Variants in ROBO1 observed in about 807,000 individuals in gnomAD.
The protein encoded by ROBO1 is roundabout homolog 1.
ROBO1 carries 149 observed loss-of-function variants against 195.9 expected under a neutral mutation model. The ratio of observed to expected loss-of-function variants is 0.76; its 90% confidence interval spans 0.67 to 0.87. ROBO1 has a LOEUF of 0.87. Ranked by LOEUF, ROBO1 falls within the 40% of genes least tolerant of loss-of-function variation. The pLI is 0.00. For synonymous variants in ROBO1, 816 were observed against 733.2 expected, an observed-to-expected ratio of 1.11 and a Z score of -1.82; for missense variants, 1,933 against 2,068.3, an observed-to-expected ratio of 0.93 and a Z score of 1.27.
At chr3:78,699,395 CAAAAAAA>C (rs60574193) in intron 8 of ROBO1, among the ~76,000 whole-genome samples, 16 of 83,048 alleles carry the variant, frequency 1.9e-4, no homozygotes, top group South Asian at 5.4e-4. Flanking sequence ...ACTAAAAATA[CAAAAAAA>C]AAAAAAAAAA....
At chr3:78,704,024 G>C (rs551893307) in intron 8 of ROBO1, among the ~76,000 whole-genome samples, 1 of 152,074 alleles carries the variant, frequency 6.6e-6, no homozygotes, top group African/African-American at 2.4e-5. Context: ...AGCCTTGGGG[G>C]GGTCTCATAA....
chr3:79,322,971 G>A (rs1374047010), intron 2 of ROBO1, among the ~76,000 whole-genome samples: 1 of 151,864 alleles, frequency 6.6e-6, no homozygotes, highest in Non-Finnish European at 1.5e-5. Flanking sequence ...AATTTTGATT[G>A]CTTTGCTTTA....
intron 2 of ROBO1, among the ~76,000 whole-genome samples, chr3:79,194,796 A>G (rs184704070): frequency 6.6e-6 from 1 of 151,764 alleles, no homozygotes; most frequent in Admixed American, 6.6e-5. Context: ...CAAGTAAATG[A>G]GAAAAAATAC....
chr3:79,246,439 T>G (rs2082625589), intron 2 of ROBO1, among the ~76,000 whole-genome samples: 1 of 152,096 alleles, frequency 6.6e-6, no homozygotes, highest in African/African-American at 2.4e-5. Context: ...ATATTTGTTT[T>G]TATGCTGATG....
intron 2 of ROBO1, among the ~76,000 whole-genome samples, chr3:79,147,008 A>G (rs1267688432): frequency 6.6e-6 from 1 of 152,006 alleles, no homozygotes; most frequent in Non-Finnish European, 1.5e-5. Flanking sequence ...AGATATGCAA[A>G]TAAGTATTAA....
At chr3:79,525,449 TTA>T (rs1559964756) in intron 2 of ROBO1, among the ~76,000 whole-genome samples, 1 of 149,206 alleles carries the variant, frequency 6.7e-6, no homozygotes. Flanking sequence ...TATGTATGTT[TTA>T]TGACAATTTT....
In ROBO1 at chr3:78,901,131, G is replaced by A. The variant is rs184199675; in HGVS notation, c.499+37470C>T. Among the ~76,000 whole-genome samples, 4 of 152,290 alleles carry A rather than the reference G, an allele frequency of 2.6e-5. No individual in the cohort carries two copies. The East Asian group carries it at 5.8e-4, about 22-fold the overall frequency. ...TAATGCAGTATGCAATTTTGCACACGATGTCATGCTGACTTGAAGTAACTA... is the reference window on the plus strand; with the variant it reads ...TAATGCAGTATGCAATTTTGCACACAATGTCATGCTGACTTGAAGTAACTA... On this transcript the variant is annotated intron_variant, in intron 4 of 30. Transcript: ENST00000464233.
At chr3:79,462,269 G>C (rs951895877) in intron 2 of ROBO1, among the ~76,000 whole-genome samples, 1 of 152,106 alleles carries the variant, frequency 6.6e-6, no homozygotes, top group Non-Finnish European at 1.5e-5. Context: ...GATGCAACGG[G>C]GCAGAAAGTT....
In ROBO1 at chr3:79,481,090, A is replaced by G. The variant is rs146037957; in HGVS notation, c.88+108734T>C. On this transcript the variant is annotated intron_variant, in intron 2 of 30. Coordinates refer to ENST00000464233, the MANE Select transcript of ROBO1 (RefSeq NM_002941.4). ...CTTGCTACTAATTATCACATTCTGC[A>G]TAATTTATAATGTATTCTACTGATG... Among the ~76,000 whole-genome samples the G allele has an allele frequency of 3.0e-4, 46 of 152,262 alleles. No homozygotes were observed. In the East Asian group the frequency reaches 8.7e-3, roughly 29 times the overall value.
chr3:78,813,691 A>T (rs2084813307), intron 4 of ROBO1, among the ~76,000 whole-genome samples: 1 of 151,862 alleles, frequency 6.6e-6, no homozygotes, highest in Non-Finnish European at 1.5e-5. Flanking sequence ...AGGCATTCTG[A>T]CTCTAGAGTC....
intron 4 of ROBO1, among the ~76,000 whole-genome samples, chr3:78,865,740 A>C (rs1559940222): frequency 6.6e-6 from 1 of 151,986 alleles, no homozygotes; most frequent in Non-Finnish European, 1.5e-5. Flanking sequence ...CAAAGGGCTG[A>C]GATTACAGGC....
chr3:79,014,343 G>A (rs2077867085), intron 3 of ROBO1, among the ~76,000 whole-genome samples: 2 of 151,984 alleles, frequency 1.3e-5, no homozygotes, highest in South Asian at 4.1e-4. Flanking sequence ...CATGGTGGTG[G>A]GCATCTGCAA....
chr3:78,719,092 T>G (rs140372458), intron 5 of ROBO1, among the ~76,000 whole-genome samples: 8 of 152,294 alleles, frequency 5.3e-5, no homozygotes, highest in African/African-American at 1.9e-4. Context: ...ACAAAGTTTT[T>G]AATTTTTATG....
chr3:79,040,200 C>T (rs2078460025), intron 3 of ROBO1, among the ~76,000 whole-genome samples: 1 of 152,084 alleles, frequency 6.6e-6, no homozygotes, highest in Non-Finnish European at 1.5e-5. Context: ...GATAAAGATT[C>T]GCCTCAATCT....
At chr3:79,229,607 T>C (rs190606472) in intron 2 of ROBO1, among the ~76,000 whole-genome samples, 63 of 152,184 alleles carry the variant, frequency 4.1e-4, no homozygotes, top group African/African-American at 1.4e-3. Flanking sequence ...CTGATGTTTT[T>C]ATTATTTATT....
intron 2 of ROBO1, among the ~76,000 whole-genome samples, chr3:79,231,384 C>T (rs1449057479): frequency 2.0e-5 from 3 of 152,046 alleles, no homozygotes; most frequent in African/African-American, 2.4e-5. Context: ...AAACCAACTA[C>T]GTTAAAAAGA....
intron 4 of ROBO1, among the ~76,000 whole-genome samples, chr3:78,815,850 C>T (rs568417478): frequency 1.3e-5 from 2 of 152,166 alleles, no homozygotes; most frequent in African/African-American, 2.4e-5. Context: ...GTTTTAAACC[C>T]GTCAGTGTCA....
At chr3:79,033,789 A>G (rs2078336027) in intron 3 of ROBO1, among the ~76,000 whole-genome samples, 1 of 152,174 alleles carries the variant, frequency 6.6e-6, no homozygotes, top group South Asian at 2.1e-4. Flanking sequence ...AGTTCATCTC[A>G]GCTACAATAT....
chr3:79,449,592 T>C (rs1240575474), intron 2 of ROBO1, among the ~76,000 whole-genome samples: 1 of 152,150 alleles, frequency 6.6e-6, no homozygotes, highest in Non-Finnish European at 1.5e-5. Context: ...TTCAAACAGA[T>C]TAGTTTCTTA....
Sources: allele counts gnomAD v4.1 joint callset (sites outside exome capture counted in the v4.1 genomes callset), GRCh38; gene constraint gnomAD v4.1.1; transcripts MANE v1.5; gene names NCBI Gene and HGNC (gene_info 2026-07-23, HGNC 2026-07-21).